The following DECR1 variants were observed in gnomAD, a reference collection of about 807,000 sequenced individuals.
DECR1 encodes 2,4-dienoyl-CoA reductase [(3E)-enoyl-CoA-producing], mitochondrial.
A neutral mutation model predicts 38.8 loss-of-function variants in DECR1; 44 were observed. The observed-to-expected ratio is 1.13, with a 90% confidence interval of 0.89 to 1.46. DECR1 has a LOEUF of 1.46. DECR1 is among the 40% of genes most tolerant of loss of function. DECR1 has a pLI of 0.00. For missense variants in DECR1, 428 were observed against 405.5 expected, an observed-to-expected ratio of 1.06 and a Z score of -0.48; for synonymous variants, 148 against 135.2, an observed-to-expected ratio of 1.09 and a Z score of -0.66.
intron 5 of DECR1, among the ~76,000 whole-genome samples, chr8:90,025,035 T>A (rs553323003): frequency 1.3e-5 from 2 of 152,340 alleles, no homozygotes; most frequent in East Asian, 3.9e-4. Flanking sequence ...TGGTTATAGA[T>A]GTGTGGTATT....
At chr8:90,012,856 C>T (rs947746277) in intron 1 of DECR1, among the ~76,000 whole-genome samples, 4 of 152,142 alleles carry the variant, frequency 2.6e-5, no homozygotes, top group Non-Finnish European at 4.4e-5. Context: ...ACAATGTTGT[C>T]TGGTTTTGAA....
chr8:90,050,094 T>A (rs1484765213), intron 8 of DECR1, among the ~76,000 whole-genome samples: 1 of 152,158 alleles, frequency 6.6e-6, no homozygotes, highest in South Asian at 2.1e-4. Context: ...ACCTAGGCAA[T>A]GCCATTCAGG....
intron 8 of DECR1, among the ~76,000 whole-genome samples, chr8:90,051,138 C>T (rs1814077255): frequency 6.7e-6 from 1 of 150,226 alleles, no homozygotes; most frequent in South Asian, 2.1e-4. Context: ...CAAACCTGCA[C>T]ATTGTGCACA....
intron 1 of DECR1, chr8:90,015,697 A>G (rs554820713): frequency 2.3e-4 from 106 of 456,014 alleles, no homozygotes; most frequent in African/African-American, 2.0e-3. Context: ...TGGAGTGTTA[A>G]TCTTGCCACC....
At chr8:90,007,331 A>G (rs1301715069) in intron 1 of DECR1, among the ~76,000 whole-genome samples, 2 of 152,102 alleles carry the variant, frequency 1.3e-5, no homozygotes, top group Non-Finnish European at 2.9e-5. Context: ...GATCTTAAGA[A>G]GAGAAGTAAC....
intron 5 of DECR1, among the ~76,000 whole-genome samples, chr8:90,028,483 A>T (rs1286024001): frequency 6.6e-6 from 1 of 152,136 alleles, no homozygotes; most frequent in Non-Finnish European, 1.5e-5. Context: ...GTTGAGTCAC[A>T]TGGATTACTT....
At chr8:90,039,030 T>C (rs1365172765) in intron 6 of DECR1, among the ~76,000 whole-genome samples, 3 of 152,226 alleles carry the variant, frequency 2.0e-5, no homozygotes, top group Non-Finnish European at 4.4e-5. Flanking sequence ...GCTGCTTTTA[T>C]TGTGTTCCTG....
chr8:90,036,864 A>G lies in DECR1; in HGVS notation c.589A>G (p.Thr197Ala), dbSNP rs528381530. The change falls in exon 6 of 10, where the codon ACT (threonine) becomes GCT (alanine). Residue 197 changes from threonine (T) to alanine (A), a missense_variant. By Grantham distance (58) the Thr-to-Ala change is moderately conservative (BLOSUM62 0). Transcript: ENST00000220764. ...QKGAAFLSIT[T>A]IYAETGSGFV... ...AGGAGCAGCATTTCTTTCTATTACTACTATCTATGCTGAGACTGGTTCAGG... is the reference window on the plus strand; with the variant it reads ...AGGAGCAGCATTTCTTTCTATTACTGCTATCTATGCTGAGACTGGTTCAGG... The G allele has an allele frequency of 4.3e-6, 7 of 1,612,870 alleles. No homozygotes were observed. The South Asian group carries it at 4.4e-5, about 10-fold the overall frequency.
intron 5 of DECR1, among the ~76,000 whole-genome samples, chr8:90,023,727 T>A (rs1241213617): frequency 1.3e-5 from 2 of 152,256 alleles, no homozygotes; most frequent in South Asian, 2.1e-4. Flanking sequence ...AGCTTTTTTT[T>A]ATTATTACAC....
intron 8 of DECR1, among the ~76,000 whole-genome samples, chr8:90,048,811 T>TC (rs1179679924): frequency 6.6e-6 from 1 of 152,098 alleles, no homozygotes; most frequent in Non-Finnish European, 1.5e-5. Flanking sequence ...GCAAACCAAA[T>TC]CCAGCAGCAC....
intron 8 of DECR1, among the ~76,000 whole-genome samples, 199 bp from the exon 9 acceptor site, chr8:90,051,478 A>G: frequency 6.6e-6 from 1 of 152,306 alleles, no homozygotes; most frequent in South Asian, 2.1e-4. Context: ...TAGATATTTG[A>G]AATTGTGGAG....
chr8:90,026,135 C>T (rs138467830), intron 5 of DECR1, among the ~76,000 whole-genome samples: 6,504 of 152,132 alleles, frequency 0.043, 285 homozygotes, highest in East Asian at 0.19. Flanking sequence ...CAGTATTTTA[C>T]TGAAGATTTT....
intron 8 of DECR1, among the ~76,000 whole-genome samples, chr8:90,045,732 C>A (rs1256978692): frequency 6.6e-6 from 1 of 152,144 alleles, no homozygotes; most frequent in East Asian, 1.9e-4. Context: ...ACAGACTGGC[C>A]CCTCAACTGG....
At chr8:90,015,385 A>G (rs1812983148) in intron 1 of DECR1, among the ~76,000 whole-genome samples, 1 of 152,184 alleles carries the variant, frequency 6.6e-6, no homozygotes, top group South Asian at 2.1e-4. Flanking sequence ...TGAGGACTGT[A>G]TGGTAAATAT....
intron 4 of DECR1, among the ~76,000 whole-genome samples, chr8:90,020,025 G>A (rs796269383): frequency 1.1e-4 from 17 of 152,270 alleles, no homozygotes; most frequent in African/African-American, 4.1e-4. Context: ...GGAGGAGAAC[G>A]ATATAAACAT....
rs148675421 is a variant in DECR1, at chr8:90,032,030, T to A, written c.566-4811T>A. ...AGCTTAATATATCATATGCTTATAA[T>A]TTTATAATTCTGTTTTTTTCAAGTA... On this transcript the variant is annotated intron_variant, in intron 5 of 9. Coordinates refer to ENST00000220764, the MANE Select transcript of DECR1 (RefSeq NM_001359.2). Among the ~76,000 whole-genome samples the A allele has an allele frequency of 9.6e-3, 1,460 of 152,300 alleles. 26 individuals carry two copies. Among genetic ancestry groups the A allele is most frequent in the African/African-American group, 0.034 (1,410 of 41,574 alleles).
chr8:90,042,823 T>G, intron 7 of DECR1, 23 bp downstream of exon 7: 1 of 1,585,816 alleles, frequency 6.3e-7, no homozygotes, highest in Non-Finnish European at 8.7e-7. Context: ...TTGCTTGTTA[T>G]CACATTGTGA....
At chr8:90,029,853 A>G (rs1055564148) in intron 5 of DECR1, among the ~76,000 whole-genome samples, 5 of 152,102 alleles carry the variant, frequency 3.3e-5, no homozygotes, top group Admixed American at 3.3e-4. Flanking sequence ...TCCAGTACAC[A>G]TGCCCTGATT....
Position 90,052,455 on chromosome 8 carries a change from G to C in DECR1, c.*558G>C, listed in dbSNP as rs988756300. 6.6e-6 allele frequency among the ~76,000 whole-genome samples: 1 copy of C among 152,048 alleles called. No homozygotes were observed. Among genetic ancestry groups the C allele is most frequent in the African/African-American group, 2.4e-5 (1 of 41,416 alleles). On this transcript the variant is annotated 3_prime_UTR_variant, in exon 10 of 10. Coordinates refer to ENST00000220764, the MANE Select transcript of DECR1 (RefSeq NM_001359.2). Reference sequence around the variant, plus strand: ...TTTATTTAGTACTGAATAAGCTATAGCCGTTGCCCTTTTTAAATTCATTAT... The same window carrying C: ...TTTATTTAGTACTGAATAAGCTATACCCGTTGCCCTTTTTAAATTCATTAT...
Sources: allele counts gnomAD v4.1 joint callset (sites outside exome capture counted in the v4.1 genomes callset), GRCh38; gene constraint gnomAD v4.1.1; transcripts MANE v1.5; gene names NCBI Gene and HGNC (gene_info 2026-07-23, HGNC 2026-07-21).